The following EYS variants were observed in gnomAD, a reference collection of about 807,000 sequenced individuals.
EYS encodes protein eyes shut homolog.
In EYS, 250 loss-of-function variants were observed where a neutral mutation model predicts 282.1. The ratio of observed to expected loss-of-function variants is 0.89; its 90% CI spans 0.80 to 0.98. EYS has a LOEUF of 0.98. Ranked by LOEUF, EYS falls within the 50% of genes least tolerant of loss-of-function variation. EYS has a pLI of 0.00. For missense variants in EYS, 4,016 were observed against 3,709.0 expected, an observed-to-expected ratio of 1.08 and a Z score of -2.15; for synonymous variants, 1,355 against 1,282.9, an observed-to-expected ratio of 1.06 and a Z score of -1.20.
chr6:64,458,043 A>G (rs1267629215), intron 26 of EYS, among the ~76,000 whole-genome samples: 1 of 152,038 alleles, frequency 6.6e-6, no homozygotes, highest in Non-Finnish European at 1.5e-5. Context: ...TGTAACTATG[A>G]TCAGAAAAAA....
At chr6:65,511,364 T>TGAGAGA (rs1207797766) in intron 2 of EYS, among the ~76,000 whole-genome samples, 2 of 146,298 alleles carry the variant, frequency 1.4e-5, no homozygotes, top group Admixed American at 1.4e-4. Flanking sequence ...TGTGTGTGTG[T>TGAGAGA]GTGAGAGAGA....
intron 8 of EYS, among the ~76,000 whole-genome samples, chr6:65,379,079 G>T (rs1765510201): frequency 6.6e-6 from 1 of 150,410 alleles, no homozygotes; most frequent in Admixed American, 6.6e-5. Flanking sequence ...AAATAAAACA[G>T]AAAAAAAAGA....
intron 29 of EYS, among the ~76,000 whole-genome samples, chr6:64,355,750 G>C (rs1038185806): frequency 2.6e-5 from 4 of 151,520 alleles, no homozygotes; most frequent in Non-Finnish European, 4.4e-5. Flanking sequence ...ATATGAAAGG[G>C]ATACAAAGAT....
chr6:64,660,800 TG>T (rs1246814219), intron 22 of EYS, among the ~76,000 whole-genome samples: 1 of 152,068 alleles, frequency 6.6e-6, no homozygotes, highest in African/African-American at 2.4e-5. Flanking sequence ...ATCATGAAAA[TG>T]GCCATACAGC....
At chr6:65,403,553 C>T (rs1196910752) in intron 6 of EYS, among the ~76,000 whole-genome samples, 1 of 150,430 alleles carries the variant, frequency 6.6e-6, no homozygotes, top group Non-Finnish European at 1.5e-5. Flanking sequence ...TAATTTAACC[C>T]AAAACTAACG....
chr6:64,635,709 T>G (rs1767952095), intron 22 of EYS, among the ~76,000 whole-genome samples: 1 of 152,256 alleles, frequency 6.6e-6, no homozygotes, highest in South Asian at 2.1e-4. Context: ...TTTGATGTGC[T>G]GCTGGATTCG....
intron 1 of EYS, among the ~76,000 whole-genome samples, chr6:65,660,626 C>T (rs1767972732): frequency 6.6e-6 from 1 of 151,748 alleles, no homozygotes; most frequent in Non-Finnish European, 1.5e-5. Context: ...TATGTATACT[C>T]ACACAAACAC....
At chr6:64,466,999 T>C (rs953611668) in intron 26 of EYS, among the ~76,000 whole-genome samples, 1 of 152,138 alleles carries the variant, frequency 6.6e-6, no homozygotes, top group Admixed American at 6.6e-5. Context: ...TGACAGAAGA[T>C]AGGTATCCAA....
chr6:65,375,434 A>C (rs997035699), intron 8 of EYS, among the ~76,000 whole-genome samples: 1 of 152,118 alleles, frequency 6.6e-6, no homozygotes, highest in Non-Finnish European at 1.5e-5. Context: ...ATGAGGAAAA[A>C]CCAGCAAAAC....
At chr6:65,379,015 C>A (rs2150347884) in intron 8 of EYS, among the ~76,000 whole-genome samples, 1 of 151,384 alleles carries the variant, frequency 6.6e-6, no homozygotes, top group African/African-American at 2.4e-5. Context: ...CACATGTACC[C>A]CAGAATTTAA....
At chr6:64,386,985 T>C (rs1772931357) in intron 29 of EYS, among the ~76,000 whole-genome samples, 1 of 152,134 alleles carries the variant, frequency 6.6e-6, no homozygotes, top group South Asian at 2.1e-4. Context: ...ATAGTATATG[T>C]ATATGGCAGC....
intron 30 of EYS, among the ~76,000 whole-genome samples, chr6:64,277,804 A>C (rs1192720644): frequency 2.0e-5 from 3 of 152,154 alleles, no homozygotes; most frequent in Non-Finnish European, 4.4e-5. Flanking sequence ...ATTCTAATGC[A>C]ATCCTAGGCT....
chr6:65,599,863 A>G (rs1224865254), intron 2 of EYS, among the ~76,000 whole-genome samples: 2 of 151,974 alleles, frequency 1.3e-5, no homozygotes, highest in African/African-American at 4.8e-5. Context: ...CAAACAAACA[A>G]ATACCTTGAG....
At chr6:64,826,458 G>A (rs1350840123) in intron 19 of EYS, among the ~76,000 whole-genome samples, 1 of 151,428 alleles carries the variant, frequency 6.6e-6, no homozygotes, top group Admixed American at 6.6e-5. Flanking sequence ...TGATATTTGA[G>A]TTTTTTTCCT....
intron 26 of EYS, among the ~76,000 whole-genome samples, chr6:64,526,127 G>A (rs1215893137): frequency 2.0e-5 from 3 of 151,788 alleles, no homozygotes; most frequent in Admixed American, 6.6e-5. Context: ...TACTGTTTTT[G>A]AAATTATAAA....
In EYS at chr6:64,642,720, A is replaced by G. The variant is rs142358842; in HGVS notation, c.3444-16475T>C. On this transcript the variant is annotated intron_variant, in intron 22 of 42. Coordinates refer to ENST00000503581, the MANE Select transcript of EYS (RefSeq NM_001142800.2). ...TGCATTACTAAAAAGCAAACAAACA[A>G]CAACAACAAAACCTATGTATCTATT... Among the ~76,000 whole-genome samples, 717 of 152,336 alleles carry G rather than the reference A, an allele frequency of 4.7e-3. 5 individuals are homozygous for G. The highest frequency in any genetic ancestry group is 0.016 in the African/African-American group (664 of 41,576).
At chr6:64,244,837 A>T (rs1014438658) in intron 30 of EYS, among the ~76,000 whole-genome samples, 2 of 151,948 alleles carry the variant, frequency 1.3e-5, no homozygotes, top group African/African-American at 4.8e-5. Flanking sequence ...ATCTTTTTTT[A>T]AAAATTATAC....
intron 30 of EYS, among the ~76,000 whole-genome samples, chr6:64,234,432 GTT>G (rs67826081): frequency 0.31 from 47,110 of 151,724 alleles, 7,302 homozygotes; most frequent in East Asian, 0.5. Context: ...TCTGCAGAGT[GTT>G]TTTATTGTTT....
rs148902084 is a variant in EYS, at chr6:64,283,122, C to T, written c.6191+23848G>A. On this transcript the variant is annotated intron_variant, in intron 30 of 42. Transcript: ENST00000503581. ...TGATAGTGTTACAGGAATATACAAT[C>T]TTCATTTTCACGTGAATACTTTTAT... Among the ~76,000 whole-genome samples, 786 of 152,248 alleles carry T rather than the reference C, an allele frequency of 5.2e-3. 5 individuals are homozygous for T. Among genetic ancestry groups the T allele is most frequent in the African/African-American group, 0.018 (752 of 41,556 alleles).
Sources: allele counts gnomAD v4.1 joint callset (sites outside exome capture counted in the v4.1 genomes callset), GRCh38; gene constraint gnomAD v4.1.1; transcripts MANE v1.5; gene names NCBI Gene and HGNC (gene_info 2026-07-23, HGNC 2026-07-21).